Variants in TGFA observed in about 807,000 individuals in gnomAD.
The protein encoded by TGFA is transforming growth factor alpha, also known as protransforming growth factor alpha.
TGFA carries 12 observed loss-of-function variants against 21.7 expected under a neutral mutation model. The ratio of observed to expected loss-of-function variants is 0.55; its 90% CI spans 0.35 to 0.90. The LOEUF is 0.90. Among genes scored for constraint, TGFA ranks in the 40% least tolerant of loss-of-function variants. The pLI is 0.01. For missense variants in TGFA, 178 were observed against 210.8 expected (o/e 0.84, Z 0.96); for synonymous variants, 79 against 88.1 (o/e 0.90, Z 0.58).
At chr2:70,541,154 G>C (rs768873434) in intron 1 of TGFA, among the ~76,000 whole-genome samples, 31 of 152,154 alleles carry the variant, frequency 2.0e-4, no homozygotes, top group Admixed American at 1.2e-3. Flanking sequence ...TAACTCAGTG[G>C]CAAGAATTTT....
intron 4 of TGFA, 34 bp from the exon 5 acceptor site, chr2:70,453,361 A>G (rs782325140): frequency 6.3e-7 from 1 of 1,598,988 alleles, no homozygotes; most frequent in East Asian, 2.2e-5. Flanking sequence ...TCTGGGCAGG[A>G]GCCTGGTAGG....
intron 2 of TGFA, among the ~76,000 whole-genome samples, chr2:70,493,318 G>A (rs77291713): frequency 0.057 from 8,748 of 152,240 alleles, 304 homozygotes; most frequent in Middle Eastern, 0.13. Context: ...GGGGAACCTG[G>A]GCTGTTCCAC....
chr2:70,510,162 C>T (rs1174973808), intron 2 of TGFA, among the ~76,000 whole-genome samples: 1 of 152,206 alleles, frequency 6.6e-6, no homozygotes. Flanking sequence ...CCACGGGTTC[C>T]CATGCTGTCT....
chr2:70,458,504 C>T (rs1670309291), intron 3 of TGFA, among the ~76,000 whole-genome samples: 1 of 152,144 alleles, frequency 6.6e-6, no homozygotes, highest in Admixed American at 6.5e-5. Flanking sequence ...ACCCCCAGCC[C>T]AGTGTTAAAT....
intron 3 of TGFA, among the ~76,000 whole-genome samples, chr2:70,457,822 G>A (rs376840621): frequency 5.9e-5 from 9 of 152,116 alleles, no homozygotes; most frequent in African/African-American, 4.8e-5. Context: ...GATTATAGGC[G>A]TGAATCACAG....
intron 1 of TGFA, among the ~76,000 whole-genome samples, chr2:70,537,008 T>G (rs1672989578): frequency 6.6e-6 from 1 of 151,424 alleles, no homozygotes; most frequent in Admixed American, 6.6e-5. Context: ...CTTTTTTTTT[T>G]TTTTACAAAT....
At chr2:70,505,632 G>C (rs1559124836) in intron 2 of TGFA, among the ~76,000 whole-genome samples, 1 of 151,596 alleles carries the variant, frequency 6.6e-6, no homozygotes, top group Non-Finnish European at 1.5e-5. Flanking sequence ...AACGAAAAAA[G>C]ACCCTAAAAG....
intron 2 of TGFA, among the ~76,000 whole-genome samples, chr2:70,513,500 C>G (rs1672168236): frequency 6.6e-6 from 1 of 152,230 alleles, no homozygotes; most frequent in African/African-American, 2.4e-5. Flanking sequence ...CACCTTTCCA[C>G]TTCCAGCCCC....
At chr2:70,462,852 G>A (rs1202325030) in intron 3 of TGFA, among the ~76,000 whole-genome samples, 1 of 152,148 alleles carries the variant, frequency 6.6e-6, no homozygotes, top group Non-Finnish European at 1.5e-5. Flanking sequence ...CCAAATGCGA[G>A]TGTGTCTCAG....
At chr2:70,531,797 G>A (rs1672819653) in intron 1 of TGFA, among the ~76,000 whole-genome samples, 1 of 152,208 alleles carries the variant, frequency 6.6e-6, no homozygotes, top group South Asian at 2.1e-4. Flanking sequence ...AGACTCTTAA[G>A]GGTAAAGTAT....
At chr2:70,491,283 CA>C (rs1215244144) in intron 2 of TGFA, among the ~76,000 whole-genome samples, 2 of 152,210 alleles carry the variant, frequency 1.3e-5, no homozygotes, top group African/African-American at 4.8e-5. Flanking sequence ...TCTCCCAGGA[CA>C]AACCCATGTT....
intron 1 of TGFA, among the ~76,000 whole-genome samples, chr2:70,544,910 C>T (rs912963352): frequency 4.0e-5 from 6 of 150,838 alleles, no homozygotes; most frequent in Admixed American, 6.6e-5. Flanking sequence ...GTGGTTAAAG[C>T]GTACAAAAAA....
intron 4 of TGFA, among the ~76,000 whole-genome samples, chr2:70,456,131 G>A (rs11466262): frequency 1.3e-5 from 2 of 152,370 alleles, no homozygotes; most frequent in African/African-American, 2.4e-5. Context: ...CCCAGCTGGG[G>A]ATCCGCCCAG....
intron 2 of TGFA, among the ~76,000 whole-genome samples, chr2:70,471,331 G>A (rs1553493212): frequency 2.0e-5 from 3 of 152,194 alleles, no homozygotes; most frequent in African/African-American, 7.2e-5. Context: ...TGGACAGGGA[G>A]GAGTGGGTCA....
chr2:70,518,155 C>A (rs1010020585), intron 1 of TGFA, among the ~76,000 whole-genome samples: 2 of 152,358 alleles, frequency 1.3e-5, no homozygotes, highest in African/African-American at 4.8e-5. Flanking sequence ...GCCTAAGTTT[C>A]AAAGCAGGTC....
intron 1 of TGFA, among the ~76,000 whole-genome samples, chr2:70,518,691 G>A (rs562345635): frequency 3.7e-4 from 56 of 152,272 alleles, no homozygotes; most frequent in South Asian, 1.5e-3. Flanking sequence ...TGCCTTCAGC[G>A]TCAGACACCC....
At chr2:70,513,728 G>A (rs915830435) in intron 2 of TGFA, among the ~76,000 whole-genome samples, 1 of 152,182 alleles carries the variant, frequency 6.6e-6, no homozygotes, top group Admixed American at 6.5e-5. Flanking sequence ...CCAGGGACAC[G>A]GTGTGGTTGG....
chr2:70,484,455 G>T (rs880000423), intron 2 of TGFA, among the ~76,000 whole-genome samples: 3 of 152,108 alleles, frequency 2.0e-5, no homozygotes, highest in African/African-American at 4.8e-5. Flanking sequence ...TGAAGCAACT[G>T]TCCATGTCAT....
intron 1 of TGFA, among the ~76,000 whole-genome samples, chr2:70,536,569 T>C (rs1672973779): frequency 6.6e-6 from 1 of 152,072 alleles, no homozygotes. Context: ...CCCCCAGTAC[T>C]GGAGAAGAAA....
Sources: allele counts gnomAD v4.1 joint callset (sites outside exome capture counted in the v4.1 genomes callset), GRCh38; gene constraint gnomAD v4.1.1; transcripts MANE v1.5; gene names NCBI Gene and HGNC (gene_info 2026-07-23, HGNC 2026-07-21).